Variants in PCNT observed in about 807,000 individuals in gnomAD.
PCNT encodes the protein pericentrin.
A neutral mutation model predicts 380.4 loss-of-function variants in PCNT; 319 were observed. That is an observed-to-expected ratio of 0.84 (90% CI 0.77 to 0.92). The LOEUF (loss-of-function observed/expected upper bound fraction) is 0.92, where lower values mean the gene tolerates loss of function less well. PCNT is among the 40% of genes least tolerant of loss of function. The probability of loss-of-function intolerance (pLI) is 0.00; values close to 1 mark genes in which losing one functional copy is unlikely to be tolerated. For synonymous variants in PCNT, 1,845 were observed against 1,735.2 expected (o/e 1.06, Z -1.57); for missense variants, 4,400 against 4,255.3 (o/e 1.03, Z -0.95).
At chr21:46,333,249 T>C (rs1463942547) in intron 2 of PCNT, among the ~76,000 whole-genome samples, 1 of 151,808 alleles carries the variant, frequency 6.6e-6, no homozygotes, top group Non-Finnish European at 1.5e-5. Context: ...CTGGTCAACA[T>C]GGTGAAACCC....
Position 46,418,208 on chromosome 21 carries a change from A to C in PCNT, c.6926A>C (p.Lys2309Thr). ...DHHVQRTAVE[K>T]DVEDFITTSF... ...CATTTAAAAATCTCTTAACAGGAGA[A>C]AGATGTCGAAGATTTTATCACAACA... Residue 2309 changes from lysine to threonine, a missense_variant, in exon 31 of 47, where the codon AAA becomes ACA. Physicochemically the swap from Lys to Thr is moderately conservative, Grantham distance 78. Transcript: ENST00000359568. The C allele has an allele frequency of 6.4e-7, 1 of 1,570,822 alleles. No individual in the cohort carries two copies. The highest frequency in any genetic ancestry group is 8.7e-7 in the Non-Finnish European group (1 of 1,143,230).
At chr21:46,354,366 C>A (rs1250029883) in intron 11 of PCNT, among the ~76,000 whole-genome samples, 1 of 152,240 alleles carries the variant, frequency 6.6e-6, no homozygotes, top group African/African-American at 2.4e-5. Flanking sequence ...TTGACAGTGG[C>A]AGTTCAAAGG....
chr21:46,373,811 C>T (rs1216170137), intron 15 of PCNT, among the ~76,000 whole-genome samples: 1 of 143,136 alleles, frequency 7.0e-6, no homozygotes, highest in Non-Finnish European at 1.5e-5. Flanking sequence ...CTCACTGCAA[C>T]CTCCGCCCCC....
chr21:46,371,254 A>T (rs927581208), intron 15 of PCNT, among the ~76,000 whole-genome samples: 2 of 150,530 alleles, frequency 1.3e-5, no homozygotes, highest in Admixed American at 6.6e-5. Flanking sequence ...TCTCAAAAAA[A>T]GTCTAGAGTG....
At chr21:46,367,190 CTG>C (rs560212651) in intron 15 of PCNT, 51 bp downstream of exon 15, 94 of 1,496,504 alleles carry the variant, frequency 6.3e-5, no homozygotes, top group Non-Finnish European at 7.9e-5. Context: ...TCCTCGCTGC[CTG>C]TGTGTTTCCA....
chr21:46,328,389 A>C (rs2083454104), intron 2 of PCNT, among the ~76,000 whole-genome samples: 1 of 151,476 alleles, frequency 6.6e-6, no homozygotes, highest in Non-Finnish European at 1.5e-5. Flanking sequence ...CAGGCTCCCA[A>C]AGTGCCAGGA....
chr21:46,393,833 A>G lies in PCNT; in HGVS notation c.4216+2457A>G, dbSNP rs572471701. Among the ~76,000 whole-genome samples the G allele has an allele frequency of 8.5e-5, 13 of 152,080 alleles. 2 individuals carry two copies. Among genetic ancestry groups the G allele is most frequent in the African/African-American group, 3.1e-4 (13 of 41,482 alleles). ...TGCCACAAAGCCTGGCCCACCAGGGAGTGTCGTGACAGGTGGATGTGGGCC... is the reference window on the plus strand; with the variant it reads ...TGCCACAAAGCCTGGCCCACCAGGGGGTGTCGTGACAGGTGGATGTGGGCC... On this transcript the variant is annotated intron_variant, in intron 21 of 46. Coordinates refer to ENST00000359568, the MANE Select transcript of PCNT (RefSeq NM_006031.6).
intron 41 of PCNT, among the ~76,000 whole-genome samples, chr21:46,439,316 TC>T (rs1282714060): frequency 6.6e-6 from 1 of 152,142 alleles, no homozygotes; most frequent in African/African-American, 2.4e-5. Context: ...GTCTGGGACC[TC>T]CTAAACTGGC....
Position 46,389,206 on chromosome 21 carries a change from G to A in PCNT, c.3615G>A (p.Ala1205=), listed in dbSNP as rs61735806. 1.4e-3 allele frequency: 2,299 copies of A among 1,613,980 alleles called. 32 individuals are homozygous for A. In the African/African-American group the frequency reaches 0.027, roughly 19 times the overall value. Reference sequence around the variant, plus strand: ...CATCTGCTCATCTTGTAGCTCCGGCGCTGGAGGAGACATGGTCTGATGTGG... The same window carrying A: ...CATCTGCTCATCTTGTAGCTCCGGCACTGGAGGAGACATGGTCTGATGTGG... ...GAGLALSTAP[A]LEETWSDVAL... is the part of the protein sequence containing the mutation. Residue 1205 remains alanine (A), a synonymous_variant, in exon 19 of 47, where the codon GCG becomes GCA. Transcript: ENST00000359568.
Position 46,440,112 on chromosome 21 carries a change from C to T in PCNT, c.9303C>T (p.Asp3101=), listed in dbSNP as rs371694617. Residue 3101 remains aspartate, a synonymous_variant, in exon 42 of 47, where the codon GAC becomes GAT. Transcript: ENST00000359568. Reference sequence around the variant, plus strand: ...CGGAAAGGTCTGCTTGGAAGCCAGACGAAACGGCTCCACAGAGTTCCCTGA... The same window carrying T: ...CGGAAAGGTCTGCTTGGAAGCCAGATGAAACGGCTCCACAGAGTTCCCTGA... ...SRSERSAWKP[D]ETAPQSSLRR... 1.1e-5 allele frequency: 18 copies of T among 1,614,028 alleles called. No individual in the cohort carries two copies. The East Asian group carries it at 1.3e-4, about 12-fold the overall frequency.
chr21:46,361,386 G>A (rs1052279692), intron 13 of PCNT, among the ~76,000 whole-genome samples: 10 of 152,142 alleles, frequency 6.6e-5, no homozygotes, highest in African/African-American at 1.7e-4. Flanking sequence ...GCGAGACTCC[G>A]TCTCAAAGAA....
intron 12 of PCNT, 84 bp from the exon 13 acceptor site, chr21:46,356,890 G>A (rs1321503044): frequency 2.7e-6 from 3 of 1,117,084 alleles, no homozygotes; most frequent in Admixed American, 1.7e-5. Context: ...GCATTTATAG[G>A]TTGCCGTTCT....
At position 46,357,169 on chromosome 21, in the gene PCNT, G is replaced by T. The variant is rs377552545; in HGVS notation, c.2132G>T (p.Arg711Leu). ...TATGGGAAGTTGCAGCATGAAACTC[G>T]TCTGAAGGACGATTTGGAGAAGGTG... ...NLYGKLQHET[R>L]LKDDLEKVKH... Residue 711 changes from arginine to leucine, a missense_variant, in exon 13 of 47, where the codon CGT (arginine) becomes CTT (leucine). Physicochemically the swap from Arg to Leu is moderately radical, Grantham distance 102. Transcript: ENST00000359568. The T allele has an allele frequency of 6.2e-7, 1 of 1,612,694 alleles. No homozygotes were observed. Among genetic ancestry groups the T allele is most frequent in the Non-Finnish European group, 8.5e-7 (1 of 1,178,632 alleles).
chr21:46,430,310 CAG>C, intron 36 of PCNT, 78 bp downstream of exon 36: 4 of 1,462,494 alleles, frequency 2.7e-6, no homozygotes, highest in Non-Finnish European at 3.8e-6. Flanking sequence ...TGAAGGGAGA[CAG>C]AACCTCTGGT....
At chr21:46,428,659 G>A (rs771191202) in intron 35 of PCNT, 69 bp downstream of exon 35, 15 of 1,361,084 alleles carry the variant, frequency 1.1e-5, no homozygotes, top group Admixed American at 3.9e-5. Context: ...TCACCTGTGT[G>A]GCCTTGGGAG....
chr21:46,437,988 G>A (rs1033820228), intron 40 of PCNT, among the ~76,000 whole-genome samples, 176 bp from the exon 41 acceptor site: 2 of 152,228 alleles, frequency 1.3e-5, no homozygotes, highest in African/African-American at 2.4e-5. Context: ...CAAGCCAGTT[G>A]CGTGCAAAGT....
At chr21:46,421,948 C>G (rs373093718) in intron 31 of PCNT, 22 bp from the exon 32 acceptor site, 3 of 1,613,384 alleles carry the variant, frequency 1.9e-6, no homozygotes, top group Non-Finnish European at 2.5e-6. Flanking sequence ...TGGGTGGGAC[C>G]CTGACCCTGT....
intron 33 of PCNT, among the ~76,000 whole-genome samples, chr21:46,426,914 A>G (rs1354679956): frequency 6.6e-6 from 1 of 152,152 alleles, no homozygotes; most frequent in African/African-American, 2.4e-5. Context: ...CCTGGAACGC[A>G]CAGGGTGTGC....
chr21:46,404,693 T>A (rs1011765041), intron 27 of PCNT, among the ~76,000 whole-genome samples: 1 of 152,242 alleles, frequency 6.6e-6, no homozygotes, highest in East Asian at 1.9e-4. Context: ...CAAACGCCTG[T>A]ATTCTCAGCA....
Sources: gnomAD v4.1 joint callset for allele counts (sites outside exome capture counted in the v4.1 genomes callset) on GRCh38, gnomAD v4.1.1 for gene constraint, MANE v1.5 for transcripts, NCBI Gene and HGNC (gene_info 2026-07-23, HGNC 2026-07-21) for gene names.